The following ADCY5 variants were observed in gnomAD, a reference collection of about 807,000 sequenced individuals.
ADCY5 encodes the protein adenylate cyclase 5.
In ADCY5, 30 loss-of-function variants were observed where a neutral mutation model predicts 119.7. The ratio of observed to expected loss-of-function variants is 0.25; its 90% CI spans 0.19 to 0.34. The LOEUF (loss-of-function observed/expected upper bound fraction) is 0.34. ADCY5 is among the 10% of genes least tolerant of loss of function. The pLI, the probability that ADCY5 is intolerant of heterozygous loss-of-function variation, is 1.00. For synonymous variants in ADCY5, 753 were observed against 762.2 expected, an observed-to-expected ratio of 0.99 and a Z score of 0.20; for missense variants, 1,324 against 1,775.2, an observed-to-expected ratio of 0.75 and a Z score of 4.57.
intron 12 of ADCY5, among the ~76,000 whole-genome samples, chr3:123,313,855 G>C (rs927985824): frequency 6.6e-6 from 1 of 152,154 alleles, no homozygotes; most frequent in Non-Finnish European, 1.5e-5. Flanking sequence ...AGCGGGTGTC[G>C]AGAGAGACCT....
At chr3:123,413,770 C>G (rs1010042087) in intron 1 of ADCY5, among the ~76,000 whole-genome samples, 3 of 152,178 alleles carry the variant, frequency 2.0e-5, no homozygotes, top group Middle Eastern at 3.2e-3. Flanking sequence ...CTTTGTTCTA[C>G]AAGCCTGACC....
intron 1 of ADCY5, among the ~76,000 whole-genome samples, chr3:123,406,837 G>C (rs1944915647): frequency 6.6e-6 from 1 of 152,082 alleles, no homozygotes; most frequent in African/African-American, 2.4e-5. Context: ...CACTTGAGCT[G>C]GCTCTCCTCC....
At chr3:123,325,172 T>C in intron 8 of ADCY5, 150 bp downstream of exon 8, 1 of 1,041,438 alleles carries the variant, frequency 9.6e-7, no homozygotes, top group Non-Finnish European at 1.4e-6. Flanking sequence ...CTACTCCTAG[T>C]CCAAAGTTGG....
At chr3:123,397,577 C>T (rs1199266978) in intron 1 of ADCY5, among the ~76,000 whole-genome samples, 2 of 152,136 alleles carry the variant, frequency 1.3e-5, no homozygotes, top group African/African-American at 4.8e-5. Flanking sequence ...TTCAGGGTTA[C>T]AGTGAGCTGT....
intron 1 of ADCY5, among the ~76,000 whole-genome samples, chr3:123,408,390 G>A (rs1944959586): frequency 6.6e-6 from 1 of 151,402 alleles, no homozygotes; most frequent in Admixed American, 6.6e-5. Context: ...GGGCACGGTG[G>A]CTCACGCCTG....
In ADCY5 at chr3:123,327,633, G is replaced by A. The variant is rs368907981; in HGVS notation, c.1932C>T (p.Arg644=). Residue 644 remains arginine, a synonymous_variant, in exon 7 of 21, where the codon CGC becomes CGT. Transcript: ENST00000462833. ...EHSIETFLIL[R]CTQKRKEEKA... is the part of the protein sequence containing the mutation. ...GCCCACAGACCCGCTTCTGGGTGCA[G>A]CGCAGGATGAGGAAGGTCTCGATAC... is the stretch of plus-strand genomic sequence containing the variant. The A allele has an allele frequency of 6.2e-7, 1 of 1,613,900 alleles. No homozygotes were observed. Among genetic ancestry groups the A allele is most frequent in the South Asian group, 1.1e-5 (1 of 91,024 alleles).
intron 1 of ADCY5, among the ~76,000 whole-genome samples, chr3:123,442,315 G>T (rs1007577659): frequency 6.6e-6 from 1 of 152,184 alleles, no homozygotes; most frequent in African/African-American, 2.4e-5. Flanking sequence ...GCGCCATCAC[G>T]GGAGGCTCCC....
chr3:123,297,234 CCTT>C, intron 16 of ADCY5, 116 bp downstream of exon 16: 1 of 1,447,956 alleles, frequency 6.9e-7, no homozygotes, highest in Non-Finnish European at 9.6e-7. Flanking sequence ...GTCCTGTTGG[CCTT>C]CTCCTTCACT....
At position 123,378,211 on chromosome 3, in the gene ADCY5, C is replaced by T. The variant is rs532366253; in HGVS notation, c.1135-25630G>A. On this transcript the variant is annotated intron_variant, in intron 1 of 20. Coordinates refer to ENST00000462833, the MANE Select transcript of ADCY5 (RefSeq NM_183357.3). ...TCTCATCTTCACAGTCTGGCCAAAT[C>T]CCAGTCCCTGGGAGGGGTGGATACC... 2.4e-4 allele frequency among the ~76,000 whole-genome samples: 37 copies of T among 152,206 alleles called. No individual in the cohort carries two copies. In the South Asian group the frequency reaches 7.5e-3, roughly 31 times the overall value.
At chr3:123,332,086 C>T (rs982909729) in intron 4 of ADCY5, among the ~76,000 whole-genome samples, 3 of 152,218 alleles carry the variant, frequency 2.0e-5, no homozygotes, top group African/African-American at 7.2e-5. Context: ...TTTATCCAAA[C>T]GTTTAAGAGT....
intron 1 of ADCY5, among the ~76,000 whole-genome samples, chr3:123,373,570 A>G (rs1391248662): frequency 1.3e-5 from 2 of 152,214 alleles, no homozygotes; most frequent in Non-Finnish European, 1.5e-5. Context: ...GGGAGTTAGG[A>G]CAGAGGTCCT....
intron 1 of ADCY5, among the ~76,000 whole-genome samples, chr3:123,357,967 C>A (rs760765422): frequency 6.6e-6 from 1 of 152,200 alleles, no homozygotes; most frequent in Non-Finnish European, 1.5e-5. Context: ...CCTTCTTACA[C>A]CCCCATAAAG....
intron 1 of ADCY5, among the ~76,000 whole-genome samples, chr3:123,366,052 A>T (rs1943426733): frequency 6.6e-6 from 1 of 152,164 alleles, no homozygotes; most frequent in Non-Finnish European, 1.5e-5. Context: ...TGGAGTCTGA[A>T]ATTATTTTTT....
intron 2 of ADCY5, 65 bp from the exon 3 acceptor site, chr3:123,347,968 CCA>C: frequency 1.2e-6 from 2 of 1,607,428 alleles, no homozygotes; most frequent in Non-Finnish European, 1.7e-6. Flanking sequence ...GCTCGCTCCT[CCA>C]CACCTGTGCC....
Position 123,447,478 on chromosome 3 carries a change from G to A in ADCY5, c.1068C>T (p.Leu356=). ...CGATGGCCAGGTGGAGGGCGGACAG[G>A]AGCACCCCGCTGAGCACTGCGGCCC... The part of the protein sequence containing the change: ...RMRAAVLSGV[L]LSALHLAIAL... Residue 356 remains leucine, a synonymous_variant, in exon 1 of 21, where the codon CTC becomes CTT. Coordinates refer to ENST00000462833, the MANE Select transcript of ADCY5 (RefSeq NM_183357.3). 2 of 1,611,368 alleles carry A rather than the reference G, an allele frequency of 1.2e-6. No individual in the cohort carries two copies. The highest frequency in any genetic ancestry group is 1.3e-5 in the African/African-American group (1 of 75,034).
intron 12 of ADCY5, among the ~76,000 whole-genome samples, chr3:123,305,181 G>A (rs1391079757): frequency 6.6e-6 from 1 of 152,174 alleles, no homozygotes; most frequent in Non-Finnish European, 1.5e-5. Flanking sequence ...CGGCTCTTGG[G>A]ACCTTTGGGC....
chr3:123,398,845 G>A (rs191058328), intron 1 of ADCY5, among the ~76,000 whole-genome samples: 1 of 152,310 alleles, frequency 6.6e-6, no homozygotes, highest in East Asian at 1.9e-4. Flanking sequence ...CTACCATGGT[G>A]TTAGGTGCAA....
intron 1 of ADCY5, among the ~76,000 whole-genome samples, chr3:123,364,038 AAG>A (rs1453919012): frequency 6.6e-6 from 1 of 152,248 alleles, no homozygotes; most frequent in African/African-American, 2.4e-5. Context: ...GGGGGAGAAA[AAG>A]AATATGAAAT....
chr3:123,352,639 C>T lies in ADCY5; in HGVS notation c.1135-58G>A. 1 of 1,544,936 alleles carries T rather than the reference C, an allele frequency of 6.5e-7. No individual in the cohort carries two copies. The highest frequency in any genetic ancestry group is 2.3e-5 in the East Asian group (1 of 43,068). On this transcript the variant is annotated intron_variant, in intron 1 of 20. Transcript: ENST00000462833. This position sits in a 1 kb window ranked among gnomAD's most constrained non-coding sequence, Gnocchi z 4.8. The stretch of plus-strand genomic sequence containing the variant: ...GATCCTGACCTTCCTGGCCCCAAAG[C>T]ATGAAGCCCTCAGCCCCTGTCTCAG...
Sources: allele counts gnomAD v4.1 joint callset (sites outside exome capture counted in the v4.1 genomes callset), GRCh38; gene constraint gnomAD v4.1.1; non-coding constraint Gnocchi (gnomAD v3.1); transcripts MANE v1.5; gene names NCBI Gene and HGNC (gene_info 2026-07-23, HGNC 2026-07-21).